The following DCX variants were observed in gnomAD, a reference collection of about 807,000 sequenced individuals.
The protein encoded by DCX is neuronal migration protein doublecortin.
A neutral mutation model predicts 20.9 loss-of-function variants in DCX; 4 were observed. The observed-to-expected ratio is 0.19, with a 90% CI of 0.09 to 0.44. DCX has a LOEUF of 0.44. DCX is among the 20% of genes least tolerant of loss of function. The pLI is 0.99. For missense variants in DCX, 133 were observed against 296.9 expected (o/e 0.45, Z 4.06); for synonymous variants, 103 against 111.4 (o/e 0.92, Z 0.47).
At position 111,372,513 on chromosome X, in the gene DCX, A is replaced by G. The variant is rs189438392; in HGVS notation, c.705+28477T>C. ...CCCCATTCGAGGTGGCTGTTTATGCACATCAGAGTCGTCCATTTTTTCCTA... is the reference window on the plus strand; with the variant it reads ...CCCCATTCGAGGTGGCTGTTTATGCGCATCAGAGTCGTCCATTTTTTCCTA... On this transcript the variant is annotated intron_variant, in intron 3 of 6. Coordinates refer to ENST00000636035, the MANE Select transcript of DCX (RefSeq NM_001195553.2). Among the ~76,000 whole-genome samples the G allele has an allele frequency of 1.7e-3, 188 of 111,857 alleles. 1 individual carries two copies. Among genetic ancestry groups the G allele is most frequent in the Middle Eastern group, 4.6e-3 (1 of 218 alleles).
chrX:111,328,504 G>T (rs2095104899), intron 5 of DCX, among the ~76,000 whole-genome samples: 1 of 111,416 alleles, frequency 9.0e-6, no homozygotes, highest in African/African-American at 3.3e-5. Flanking sequence ...CTGCAAAGAG[G>T]ATCTATTTAC....
chrX:111,384,937 A>G (rs191720698), intron 3 of DCX, among the ~76,000 whole-genome samples: 8 of 112,808 alleles, frequency 7.1e-5, no homozygotes, highest in African/African-American at 2.6e-4. Context: ...CTGAGATCCA[A>G]AGAGAGGTTG....
intron 3 of DCX, among the ~76,000 whole-genome samples, chrX:111,381,527 TA>T (rs1271033959): frequency 1.3e-4 from 14 of 110,763 alleles, no homozygotes; most frequent in Non-Finnish European, 2.5e-4. Flanking sequence ...CCTGAAGATT[TA>T]AGAAGGCAGC....
At chrX:111,324,438 A>C (rs772576500) in intron 5 of DCX, among the ~76,000 whole-genome samples, 29 of 111,971 alleles carry the variant, frequency 2.6e-4, no homozygotes, top group Non-Finnish European at 5.1e-4. Flanking sequence ...ATAAGTTATT[A>C]CCATTAACAT....
At chrX:111,397,956 C>A (rs1927463305) in intron 3 of DCX, among the ~76,000 whole-genome samples, 4 of 111,011 alleles carry the variant, frequency 3.6e-5, no homozygotes, top group Admixed American at 9.6e-5. Flanking sequence ...TGCCAGTGAG[C>A]ACTGGAATCT....
intron 3 of DCX, among the ~76,000 whole-genome samples, chrX:111,367,779 T>G (rs1924744372): frequency 9.0e-6 from 1 of 111,103 alleles, no homozygotes; most frequent in South Asian, 3.9e-4. Context: ...TAGGAATTGC[T>G]GGCCATGGTC....
intron 3 of DCX, among the ~76,000 whole-genome samples, chrX:111,347,114 T>C (rs1465707353): frequency 9.0e-6 from 1 of 111,613 alleles, no homozygotes; most frequent in Non-Finnish European, 1.9e-5. Context: ...TTAAAAATTA[T>C]TATTAGTAGT....
At chrX:111,383,305 T>G (rs1218948595) in intron 3 of DCX, among the ~76,000 whole-genome samples, 1 of 112,042 alleles carries the variant, frequency 8.9e-6, no homozygotes, top group Non-Finnish European at 1.9e-5. Context: ...TGTTTCTTCT[T>G]GGTGAAAAAT....
rs1226850851 is a variant in DCX at position 111,301,814 on chromosome X, GT to G, written c.1045-72del. 72 of 973,896 alleles carry G rather than the reference GT, an allele frequency of 7.4e-5. No homozygotes were observed. In the East Asian group the frequency reaches 2.0e-3, roughly 27 times the overall value. 80.3% of individuals were successfully genotyped at this position (973,896 alleles called of 1,213,427 possible). A position where few individuals can be genotyped will look rare whatever the true frequency, so the allele number is the denominator to read the frequency against. On this transcript the variant is annotated intron_variant, in intron 6 of 6. Coordinates refer to ENST00000636035, the MANE Select transcript of DCX (RefSeq NM_001195553.2). ...CTTGAGCTCTGGAATGTCTGCTTTA[GT>G]TTTTTTTATTAATACTTTAATTTTT...
intron 2 of DCX, among the ~76,000 whole-genome samples, chrX:111,409,230 G>T (rs1342944990): frequency 9.0e-6 from 1 of 111,651 alleles, no homozygotes; most frequent in Non-Finnish European, 1.9e-5. Context: ...TTTTCTAAAT[G>T]ACCACAAAGA....
intron 5 of DCX, among the ~76,000 whole-genome samples, chrX:111,318,566 C>T (rs761380280): frequency 9.0e-6 from 1 of 110,695 alleles, no homozygotes; most frequent in East Asian, 2.8e-4. Flanking sequence ...CAATGATAGA[C>T]TGGATAATGA....
intron 3 of DCX, among the ~76,000 whole-genome samples, chrX:111,394,849 CT>C (rs1335472669): frequency 4.4e-5 from 5 of 112,361 alleles, no homozygotes; most frequent in Admixed American, 2.8e-4. Flanking sequence ...TTTTGCCTTG[CT>C]TTGTTTTGTG....
intron 3 of DCX, among the ~76,000 whole-genome samples, chrX:111,356,037 A>G (rs1255346521): frequency 8.9e-6 from 1 of 112,196 alleles, no homozygotes; most frequent in Non-Finnish European, 1.9e-5. Context: ...AAAGACAAGG[A>G]AATGTTGTCC....
intron 3 of DCX, among the ~76,000 whole-genome samples, chrX:111,389,690 C>T (rs148345185): frequency 9.0e-6 from 1 of 111,335 alleles, no homozygotes. Flanking sequence ...TGCACTCCAG[C>T]CTGGGCGACA....
intron 3 of DCX, among the ~76,000 whole-genome samples, chrX:111,397,266 G>T (rs923606614): frequency 4.5e-5 from 5 of 111,260 alleles, no homozygotes; most frequent in Admixed American, 1.9e-4. Context: ...TCAAGCGATG[G>T]CCTTGATTTC....
At chrX:111,345,316 T>C (rs769158251) in intron 3 of DCX, among the ~76,000 whole-genome samples, 1 of 111,747 alleles carries the variant, frequency 8.9e-6, no homozygotes, top group South Asian at 3.7e-4. Context: ...GCAATACCAT[T>C]CAGGACATAG....
intron 5 of DCX, among the ~76,000 whole-genome samples, chrX:111,327,437 G>A (rs1280802777): frequency 8.9e-6 from 1 of 111,988 alleles, no homozygotes; most frequent in Non-Finnish European, 1.9e-5. Context: ...ATGTCTGTAA[G>A]GAGAAATTTA....
intron 3 of DCX, among the ~76,000 whole-genome samples, chrX:111,382,719 G>A (rs1451949010): frequency 4.5e-5 from 5 of 111,606 alleles, no homozygotes; most frequent in African/African-American, 1.6e-4. Context: ...AAAAATAACT[G>A]CAAAACAATG....
intron 5 of DCX, among the ~76,000 whole-genome samples, chrX:111,314,054 A>G (rs760374329): frequency 8.9e-5 from 10 of 112,124 alleles, no homozygotes; most frequent in Non-Finnish European, 1.9e-4. Context: ...TTCCTTCTGC[A>G]CCACTTATGG....
Sources: gnomAD v4.1 joint callset for allele counts (sites outside exome capture counted in the v4.1 genomes callset) on GRCh38, gnomAD v4.1.1 for gene constraint, MANE v1.5 for transcripts, NCBI Gene and HGNC (gene_info 2026-07-23, HGNC 2026-07-21) for gene names.